Variants in UBE2Q2 observed in about 807,000 individuals in gnomAD.
The protein encoded by UBE2Q2 is ubiquitin conjugating enzyme E2 Q2.
Under a neutral mutation model 59.9 loss-of-function variants are expected in UBE2Q2, and 54 were observed. The ratio of observed to expected loss-of-function variants is 0.90; its 90% CI spans 0.72 to 1.13. UBE2Q2 has a LOEUF of 1.13. Among genes scored for constraint, UBE2Q2 ranks in the 50% most tolerant of loss-of-function variants. The probability of loss-of-function intolerance (pLI) is 0.00; values close to 1 mark genes in which losing one functional copy is unlikely to be tolerated. For missense variants in UBE2Q2, 433 were observed against 441.9 expected (o/e 0.98, Z 0.18); for synonymous variants, 165 against 155.2 (o/e 1.06, Z -0.47).
intron 9 of UBE2Q2, among the ~76,000 whole-genome samples, chr15:75,884,083 G>T (rs1345915926): frequency 6.6e-6 from 1 of 152,118 alleles, no homozygotes; most frequent in African/African-American, 2.4e-5. Flanking sequence ...GGGTCAAATG[G>T]TAATTGTATT....
In UBE2Q2 at chr15:75,868,984, G is replaced by C. The variant is rs1038177070; in HGVS notation, c.421G>C (p.Glu141Gln). 1.1e-5 allele frequency: 18 copies of C among 1,612,658 alleles called. No individual in the cohort carries two copies. The highest frequency in any genetic ancestry group is 1.4e-5 in the Non-Finnish European group (16 of 1,179,164). Residue 141 changes from glutamate to glutamine, a missense_variant, in exon 4 of 13, where the codon GAG (glutamate) becomes CAG (glutamine). By Grantham distance (29) the Glu-to-Gln change is conservative. Transcript: ENST00000267938. ...AACAGAAGAAGTGACTTCAGAAGAA[G>C]AGGAAGAAGAAGAAGAGATGGCTGA... ...GTTEEVTSEE[E>Q]EEEEEMAEDI...
At chr15:75,877,893 A>G in intron 6 of UBE2Q2, 68 bp from the exon 7 acceptor site, 1 of 1,439,362 alleles carries the variant, frequency 6.9e-7, no homozygotes, top group Non-Finnish European at 9.6e-7. Flanking sequence ...TTTAGTGTAT[A>G]CATTTATACC....
Position 75,896,042 on chromosome 15 carries a change from AC to A in UBE2Q2, c.1030-952del, listed in dbSNP as rs566468114. 3.3e-3 allele frequency among the ~76,000 whole-genome samples: 510 copies of A among 152,326 alleles called. 4 individuals are homozygous for A. Among genetic ancestry groups the A allele is most frequent in the African/African-American group, 0.012 (489 of 41,566 alleles). On this transcript the variant is annotated intron_variant, in intron 11 of 12. Transcript: ENST00000267938. ...AGTGTTTAAAACAGGTATGTTCTAT[AC>A]TGATAAGGAACATTCTCCAAGATAT...
chr15:75,895,482 C>T (rs1595901619), intron 11 of UBE2Q2, among the ~76,000 whole-genome samples: 2 of 151,778 alleles, frequency 1.3e-5, no homozygotes, highest in South Asian at 4.2e-4. Context: ...CGTGCCTGGC[C>T]GGCTTTACTA....
chr15:75,869,788 T>C (rs2604405), intron 4 of UBE2Q2, among the ~76,000 whole-genome samples: 14,968 of 152,092 alleles, frequency 0.098, 1,871 homozygotes, highest in African/African-American at 0.3. Flanking sequence ...TTTAGTAGAG[T>C]GCATTCCAAA....
intron 9 of UBE2Q2, among the ~76,000 whole-genome samples, chr15:75,886,426 G>A (rs1898774954): frequency 6.6e-6 from 1 of 151,792 alleles, no homozygotes; most frequent in African/African-American, 2.4e-5. Context: ...CAACTATTGT[G>A]CTTTAGTTTT....
chr15:75,844,100 C>T (rs1896179703), intron 1 of UBE2Q2: 2 of 1,415,300 alleles, frequency 1.4e-6, no homozygotes, highest in Non-Finnish European at 1.8e-6. Context: ...CCATCTCGGT[C>T]CCCGTCTCCT....
At chr15:75,863,265 CTA>C (rs1897285906) in intron 3 of UBE2Q2, among the ~76,000 whole-genome samples, 1 of 152,154 alleles carries the variant, frequency 6.6e-6, no homozygotes, top group Non-Finnish European at 1.5e-5. Context: ...CATTAATTAA[CTA>C]TTTTCCATTT....
chr15:75,871,741 A>G (rs1047945273), intron 4 of UBE2Q2, among the ~76,000 whole-genome samples: 3 of 152,224 alleles, frequency 2.0e-5, no homozygotes, highest in Non-Finnish European at 2.9e-5. Context: ...TTTTCTTAGT[A>G]CAGAACAAAA....
chr15:75,880,450 A>G (rs1281479105), intron 8 of UBE2Q2, among the ~76,000 whole-genome samples: 1 of 151,080 alleles, frequency 6.6e-6, no homozygotes, highest in Non-Finnish European at 1.5e-5. Flanking sequence ...TAATGGTTAA[A>G]GAATAGCAAT....
At chr15:75,844,241 C>T in intron 1 of UBE2Q2, 1 of 1,491,522 alleles carries the variant, frequency 6.7e-7, no homozygotes, top group East Asian at 2.5e-5. Context: ...TGAGCCCAGG[C>T]CGGCAAGGGG....
intron 6 of UBE2Q2, among the ~76,000 whole-genome samples, chr15:75,877,180 A>AAG (rs1322087814): frequency 6.7e-6 from 1 of 150,028 alleles, no homozygotes; most frequent in African/African-American, 2.5e-5. Context: ...AAAAAAAAAA[A>AAG]AAAGGGTTAT....
chr15:75,856,571 T>C (rs1214263114), intron 2 of UBE2Q2, among the ~76,000 whole-genome samples: 1 of 152,142 alleles, frequency 6.6e-6, no homozygotes, highest in Non-Finnish European at 1.5e-5. Context: ...AGGAAAACTA[T>C]TTGAGGAAGT....
At position 75,843,599 on chromosome 15, in the gene UBE2Q2, T is replaced by C. The variant is rs1896131917; in HGVS notation, c.-68T>C. ...GGGCGGTCGCGGCCGTGACGGCGGC[T>C]CCGGGCCCGGCTCCCCTTCCGCGCC... On this transcript the variant is annotated 5_prime_UTR_variant, in exon 1 of 13. Transcript: ENST00000267938. 10 of 1,391,632 alleles carry C rather than the reference T, an allele frequency of 7.2e-6. No homozygotes were observed. The highest frequency in any genetic ancestry group is 9.5e-6 in the Non-Finnish European group (10 of 1,047,832). 86.2% of individuals were successfully genotyped at this position (1,391,632 alleles called of 1,614,324 possible).
chr15:75,887,522 T>C (rs1253464357), intron 9 of UBE2Q2, among the ~76,000 whole-genome samples: 4 of 151,584 alleles, frequency 2.6e-5, no homozygotes, highest in Admixed American at 2.6e-4. Context: ...ATAGTGCTGA[T>C]GTAATATCTT....
chr15:75,896,792 G>T (rs890788117), intron 11 of UBE2Q2, among the ~76,000 whole-genome samples: 2 of 152,130 alleles, frequency 1.3e-5, no homozygotes, highest in African/African-American at 4.8e-5. Flanking sequence ...TTTTATTGGG[G>T]TACAATTTTG....
chr15:75,879,249 G>A, intron 8 of UBE2Q2, 61 bp downstream of exon 8: 1 of 1,050,908 alleles, frequency 9.5e-7, no homozygotes, highest in Non-Finnish European at 1.4e-6. Context: ...TTGTACAAGT[G>A]CTTTGGAAAA....
chr15:75,862,533 G>A (rs1028602343), intron 3 of UBE2Q2, among the ~76,000 whole-genome samples: 1 of 151,188 alleles, frequency 6.6e-6, no homozygotes, highest in African/African-American at 2.4e-5. Flanking sequence ...GACTGATTGG[G>A]AGGCTGGGTG....
intron 3 of UBE2Q2, 78 bp downstream of exon 3, chr15:75,860,060 TTTA>T: frequency 9.5e-7 from 1 of 1,047,266 alleles, no homozygotes; most frequent in Admixed American, 2.7e-5. Context: ...GATTTTTCTT[TTTA>T]TTGTTCAACT....
Sources: gnomAD v4.1 joint callset for allele counts (sites outside exome capture counted in the v4.1 genomes callset) on GRCh38, gnomAD v4.1.1 for gene constraint, MANE v1.5 for transcripts, NCBI Gene and HGNC (gene_info 2026-07-23, HGNC 2026-07-21) for gene names.